GRIA4: variants seen among roughly 807,000 people sequenced by gnomAD.
GRIA4 encodes the protein glutamate ionotropic receptor AMPA type subunit 4.
GRIA4 carries 34 observed loss-of-function variants against 104.0 expected under a neutral mutation model. The observed-to-expected ratio is 0.33, with a 90% CI of 0.25 to 0.44. The LOEUF (loss-of-function observed/expected upper bound fraction) is 0.44. Among genes scored for constraint, GRIA4 ranks in the 20% least tolerant of loss-of-function variants. The probability of loss-of-function intolerance (pLI) is 1.00; values close to 1 mark genes in which losing one functional copy is unlikely to be tolerated. For synonymous variants in GRIA4, 386 were observed against 381.9 expected, an observed-to-expected ratio of 1.01 and a Z score of -0.13; for missense variants, 750 against 1,096.5, an observed-to-expected ratio of 0.68 and a Z score of 4.46.
intron 3 of GRIA4, among the ~76,000 whole-genome samples, chr11:105,614,924 G>T (rs1159279996): frequency 6.6e-6 from 1 of 151,864 alleles, no homozygotes; most frequent in Non-Finnish European, 1.5e-5. Flanking sequence ...CTATGCCTTT[G>T]AGTACAAAAG....
At chr11:105,820,431 T>C (rs984514811) in intron 4 of GRIA4, among the ~76,000 whole-genome samples, 1 of 152,126 alleles carries the variant, frequency 6.6e-6, no homozygotes, top group African/African-American at 2.4e-5. Context: ...GGACCCTCTT[T>C]ATCTTTGGTC....
chr11:105,789,673 T>C (rs1942130389), intron 4 of GRIA4, among the ~76,000 whole-genome samples: 1 of 152,154 alleles, frequency 6.6e-6, no homozygotes, highest in Admixed American at 6.5e-5. Flanking sequence ...TACCCCTTTC[T>C]CACTGCAGTT....
chr11:105,759,587 C>T (rs1940505156), intron 4 of GRIA4, among the ~76,000 whole-genome samples: 1 of 151,950 alleles, frequency 6.6e-6, no homozygotes, highest in African/African-American at 2.4e-5. Context: ...ATTGTTTCTT[C>T]CATCTCATTT....
chr11:105,734,614 A>G (rs1938816475), intron 3 of GRIA4, among the ~76,000 whole-genome samples: 1 of 152,108 alleles, frequency 6.6e-6, no homozygotes, highest in African/African-American at 2.4e-5. Flanking sequence ...CTGTTCTCCA[A>G]GACTTGGTTT....
chr11:105,649,669 C>T (rs1019171920), intron 3 of GRIA4, among the ~76,000 whole-genome samples: 1 of 151,904 alleles, frequency 6.6e-6, no homozygotes, highest in Admixed American at 6.6e-5. Flanking sequence ...ATGAGATTTC[C>T]TTTGTGGACA....
intron 3 of GRIA4, among the ~76,000 whole-genome samples, chr11:105,645,850 G>GAA (rs544436688): frequency 5.9e-5 from 9 of 152,112 alleles, no homozygotes; most frequent in Non-Finnish European, 1.0e-4. Context: ...AAAATTTGCA[G>GAA]AAATGAGTAC....
In GRIA4 at chr11:105,852,817, T is replaced by C. The variant is rs17104671; in HGVS notation, c.488-9207T>C. Among the ~76,000 whole-genome samples the C allele has an allele frequency of 9.0e-3, 1,125 of 125,386 alleles. 67 individuals carry two copies. The highest frequency in any genetic ancestry group is 0.029 in the African/African-American group (1,040 of 36,202). The allele number at this position is 125,386 out of a possible 152,430, so 82.3% of individuals were successfully genotyped here. A position where few individuals can be genotyped will look rare whatever the true frequency, so the allele number is the denominator to read the frequency against. Reference sequence around the variant, plus strand: ...TCTCCATAATTGTATGCAAATCCTTTCACCAGAATCATCACAAGAAAATTA... The same window carrying C: ...TCTCCATAATTGTATGCAAATCCTTCCACCAGAATCATCACAAGAAAATTA... On this transcript the variant is annotated intron_variant, in intron 4 of 16. Coordinates refer to ENST00000282499, the MANE Select transcript of GRIA4 (RefSeq NM_000829.4).
chr11:105,905,310 C>T lies in GRIA4; in HGVS notation c.1158+9C>T, dbSNP rs370897635. On this transcript the variant is annotated intron_variant, in intron 9 of 16. Coordinates refer to ENST00000282499, the MANE Select transcript of GRIA4 (RefSeq NM_000829.4). ...GCACAGGACCTAGAAAGGTGAGCCA[C>T]GATCAAACTGAAAAACAGAATTCTC... 93 of 1,413,382 alleles carry T rather than the reference C, an allele frequency of 6.6e-5. No homozygotes were observed. Among genetic ancestry groups the T allele is most frequent in the Non-Finnish European group, 4.8e-5 (48 of 998,842 alleles). 87.6% of individuals were successfully genotyped at this position (1,413,382 alleles called of 1,614,324 possible).
chr11:105,746,415 G>C (rs1460139474), intron 3 of GRIA4, among the ~76,000 whole-genome samples: 3 of 150,026 alleles, frequency 2.0e-5, no homozygotes, highest in South Asian at 2.1e-4. Flanking sequence ...TTCAGGTTTG[G>C]CTTTTTTTTT....
At position 105,672,709 on chromosome 11, in the gene GRIA4, C is replaced by T. The variant is rs149945512; in HGVS notation, c.247+60275C>T. Reference sequence around the variant, plus strand: ...ATAATTGTGTCTTGCTGCATTGGCACCTTTCATTTTCACCCAGAGACCCAG... The same window carrying T: ...ATAATTGTGTCTTGCTGCATTGGCATCTTTCATTTTCACCCAGAGACCCAG... On this transcript the variant is annotated intron_variant, in intron 3 of 16. Transcript: ENST00000282499. Among the ~76,000 whole-genome samples the T allele has an allele frequency of 2.2e-3, 328 of 152,146 alleles. 1 individual carries two copies. Among genetic ancestry groups the T allele is most frequent in the African/African-American group, 7.6e-3 (316 of 41,536 alleles).
rs534662089 is a variant in GRIA4, at chr11:105,970,914, A to C, written c.2295-1000A>C. 7.2e-5 allele frequency among the ~76,000 whole-genome samples: 11 copies of C among 152,292 alleles called. No individual in the cohort carries two copies. The South Asian group carries it at 2.3e-3, about 32-fold the overall frequency. On this transcript the variant is annotated intron_variant, in intron 14 of 16. Transcript: ENST00000282499. Reference sequence around the variant, plus strand: ...GGAAAGAATTATTAAATTCCTTGGAATATTGACGCCAGGTAATGACTGATG... The same window carrying C: ...GGAAAGAATTATTAAATTCCTTGGACTATTGACGCCAGGTAATGACTGATG...
Position 105,729,982 on chromosome 11 carries a change from C to T in GRIA4, c.248-22999C>T, listed in dbSNP as rs962318805. 3.3e-5 allele frequency among the ~76,000 whole-genome samples: 5 copies of T among 152,302 alleles called. No homozygotes were observed. In the South Asian group the frequency reaches 1.0e-3, roughly 32 times the overall value. On this transcript the variant is annotated intron_variant, in intron 3 of 16. Transcript: ENST00000282499. ...AGAAAACCGGCACAAGACGAGGATG[C>T]CCTCTCTCACCACTCCTTTTCAACA...
At chr11:105,642,131 G>A (rs938104431) in intron 3 of GRIA4, among the ~76,000 whole-genome samples, 1 of 152,002 alleles carries the variant, frequency 6.6e-6, no homozygotes, top group Non-Finnish European at 1.5e-5. Flanking sequence ...ATTCTTTAAA[G>A]ACCCTGTCCC....
intron 3 of GRIA4, among the ~76,000 whole-genome samples, chr11:105,718,984 C>G (rs1954200959): frequency 1.3e-5 from 2 of 152,074 alleles, no homozygotes; most frequent in South Asian, 4.1e-4. Flanking sequence ...CCGTGGAGCT[C>G]CAGATCTGAG....
At chr11:105,795,682 G>A (rs1021355138) in intron 4 of GRIA4, among the ~76,000 whole-genome samples, 16 of 152,050 alleles carry the variant, frequency 1.1e-4, no homozygotes, top group Non-Finnish European at 2.4e-4. Flanking sequence ...GCCAGGGAAA[G>A]CAACACTTAA....
At chr11:105,959,872 T>C (rs1013078315) in intron 14 of GRIA4, among the ~76,000 whole-genome samples, 2 of 152,200 alleles carry the variant, frequency 1.3e-5, no homozygotes. Context: ...GGCCCTCTTC[T>C]GTAGGGCTGC....
At chr11:105,969,587 C>A (rs557684665) in intron 14 of GRIA4, among the ~76,000 whole-genome samples, 2 of 152,238 alleles carry the variant, frequency 1.3e-5, no homozygotes, top group South Asian at 4.2e-4. Flanking sequence ...ATTTTGCCTT[C>A]AATTGTCCCT....
chr11:105,826,282 C>T (rs1446448092), intron 4 of GRIA4, among the ~76,000 whole-genome samples: 3 of 152,024 alleles, frequency 2.0e-5, no homozygotes, highest in South Asian at 4.1e-4. Flanking sequence ...TCAATCTATG[C>T]AGCCACTAGA....
At chr11:105,612,171 T>C (rs1316067580) in intron 2 of GRIA4, 105 bp from the exon 3 acceptor site, 1 of 1,006,666 alleles carries the variant, frequency 9.9e-7, no homozygotes, top group Non-Finnish European at 1.5e-6. Context: ...TATAGCTCTT[T>C]AATTGTATGT....
Sources: allele counts gnomAD v4.1 joint callset (sites outside exome capture counted in the v4.1 genomes callset), GRCh38; gene constraint gnomAD v4.1.1; transcripts MANE v1.5; gene names NCBI Gene and HGNC (gene_info 2026-07-23, HGNC 2026-07-21).